Variants in ICOS observed in about 807,000 individuals in gnomAD.
ICOS encodes the protein inducible T-cell costimulator.
A neutral mutation model predicts 24.6 loss-of-function variants in ICOS; 15 were observed. The observed-to-expected ratio is 0.61, with a 90% CI of 0.41 to 0.94. The LOEUF (loss-of-function observed/expected upper bound fraction) is 0.94. ICOS is among the 40% of genes least tolerant of loss of function. ICOS has a pLI of 0.00. For synonymous variants in ICOS, 89 were observed against 77.5 expected (o/e 1.15, Z -0.78); for missense variants, 200 against 233.0 (o/e 0.86, Z 0.92).
In ICOS at chr2:203,957,768, G is replaced by T; in HGVS notation, c.502-31G>T. On this transcript the variant is annotated intron_variant, in intron 3 of 4. Coordinates refer to ENST00000316386, the MANE Select transcript of ICOS (RefSeq NM_012092.4). ...AACAAAGAGATGGAGAAGAAAAGAT[G>T]ACCAAGCATGTTTCTGGCTTTTTCT... 5 of 1,491,802 alleles carry T rather than the reference G, an allele frequency of 3.4e-6. No homozygotes were observed. In the South Asian group the frequency reaches 5.6e-5, roughly 17 times the overall value. The allele number at this position is 1,491,802 out of a possible 1,614,324, so 92.4% of individuals were successfully genotyped here. A position where few individuals can be genotyped will look rare whatever the true frequency, so the allele number is the denominator to read the frequency against.
At chr2:203,947,390 C>T (rs1001537375) in intron 1 of ICOS, among the ~76,000 whole-genome samples, 4 of 152,024 alleles carry the variant, frequency 2.6e-5, no homozygotes, top group African/African-American at 4.8e-5. Context: ...CTCACTGCAA[C>T]CTCTGACTCC....
intron 1 of ICOS, among the ~76,000 whole-genome samples, chr2:203,949,275 ACACT>A (rs1689927041): frequency 6.6e-6 from 1 of 152,182 alleles, no homozygotes; most frequent in Non-Finnish European, 1.5e-5. Flanking sequence ...TGGTCCTGTA[ACACT>A]CAGTTGTTAG....
intron 1 of ICOS, among the ~76,000 whole-genome samples, chr2:203,954,280 T>G (rs1417296463): frequency 6.6e-6 from 1 of 152,174 alleles, no homozygotes; most frequent in Non-Finnish European, 1.5e-5. Flanking sequence ...AAGCATAAAT[T>G]TATTTCAGAA....
intron 1 of ICOS, among the ~76,000 whole-genome samples, chr2:203,951,119 C>G (rs767097179): frequency 6.6e-6 from 1 of 151,820 alleles, no homozygotes; most frequent in Non-Finnish European, 1.5e-5. Flanking sequence ...CAGCTGATGT[C>G]AGTGGCACAC....
rs73058105 is a variant in ICOS at position 203,959,632 on chromosome 2, T to C, written c.*33T>C. 11,097 of 1,609,200 alleles carry C rather than the reference T, an allele frequency of 6.9e-3. 544 individuals carry two copies. In the African/African-American group the frequency reaches 0.12, roughly 18 times the overall value. The stretch of plus-strand genomic sequence containing the variant: ...CTCTGGCACCCAGGCATGAAGCACG[T>C]TGGCCAGTTTTCCTCAACTTGAAGT... On this transcript the variant is annotated 3_prime_UTR_variant, in exon 5 of 5. Transcript: ENST00000316386.
At chr2:203,957,997 T>C in intron 4 of ICOS, 114 bp downstream of exon 4, 1 of 656,032 alleles carries the variant, frequency 1.5e-6, no homozygotes. Flanking sequence ...CAAGGCCTAA[T>C]TCTAGAATTT....
intron 1 of ICOS, among the ~76,000 whole-genome samples, chr2:203,951,404 A>G (rs1234039444): frequency 6.6e-6 from 1 of 152,204 alleles, no homozygotes; most frequent in African/African-American, 2.4e-5. Flanking sequence ...GTTAGAAATA[A>G]CATTAAGATG....
Position 203,960,676 on chromosome 2 carries a change from T to G in ICOS, c.*1077T>G, listed in dbSNP as rs1012767240. ...CCTGAAAGCTGCAGTTACTATAGGTTGCTGTCAGACTATACCCATGGTGCC... is the reference window on the plus strand; with the variant it reads ...CCTGAAAGCTGCAGTTACTATAGGTGGCTGTCAGACTATACCCATGGTGCC... On this transcript the variant is annotated 3_prime_UTR_variant, in exon 5 of 5. Coordinates refer to ENST00000316386, the MANE Select transcript of ICOS (RefSeq NM_012092.4). 3 of 152,206 alleles carry G rather than the reference T, an allele frequency of 2.0e-5. No individual in the cohort carries two copies. The highest frequency in any genetic ancestry group is 7.2e-5 in the African/African-American group (3 of 41,454). 9.4% of individuals were successfully genotyped at this position (152,206 alleles called of 1,614,324 possible).
At chr2:203,956,815 T>C in intron 3 of ICOS, 50 bp downstream of exon 3, 3 of 1,212,094 alleles carry the variant, frequency 2.5e-6, no homozygotes, top group Non-Finnish European at 3.7e-6. Flanking sequence ...TGCACATCAG[T>C]GATTATTTCC....
rs1690105938 is a variant in ICOS at position 203,957,945 on chromosome 2, T to G, written c.586+62T>G. The G allele has an allele frequency of 3.0e-6, 3 of 1,014,100 alleles. No individual in the cohort carries two copies. The Admixed American group carries it at 6.0e-5, about 20-fold the overall frequency. The allele number at this position is 1,014,100 out of a possible 1,614,324, so 62.8% of individuals were successfully genotyped here. On this transcript the variant is annotated intron_variant, in intron 4 of 4. Transcript: ENST00000316386. ...TTTCTTCACAGTAAGCCTGGAATGT[T>G]AATTTTTTTTTTTTTAATTTTAAAG...
rs1294331692 is a variant in ICOS at position 203,956,046 on chromosome 2, A to G, written c.394+75A>G. 7 of 955,786 alleles carry G rather than the reference A, an allele frequency of 7.3e-6. No individual in the cohort carries two copies. In the South Asian group the frequency reaches 8.8e-5, roughly 12 times the overall value. The allele number at this position is 955,786 out of a possible 1,614,324, so 59.2% of individuals were successfully genotyped here. A position where few individuals can be genotyped will look rare whatever the true frequency, so the allele number is the denominator to read the frequency against. On this transcript the variant is annotated intron_variant, in intron 2 of 4. Coordinates refer to ENST00000316386, the MANE Select transcript of ICOS (RefSeq NM_012092.4). The stretch of plus-strand genomic sequence containing the variant: ...ACAACTTTTCTCACTAATAAAATCA[A>G]TTAGACAAATAAATATCTTTTGTGT...
chr2:203,944,133 A>G (rs1003847924), intron 1 of ICOS, among the ~76,000 whole-genome samples: 4 of 152,142 alleles, frequency 2.6e-5, no homozygotes, highest in African/African-American at 9.7e-5. Flanking sequence ...TGCTGGATTC[A>G]CGGCCTCCCC....
chr2:203,955,745 G>C lies in ICOS; in HGVS notation c.168G>C (p.Leu56=), dbSNP rs1452058252. 1 of 1,613,786 alleles carries C rather than the reference G, an allele frequency of 6.2e-7. No homozygotes were observed. Among genetic ancestry groups the C allele is most frequent in the South Asian group, 1.1e-5 (1 of 91,070 alleles). Residue 56 remains leucine (L), a synonymous_variant, in exon 2 of 5, where the codon CTG becomes CTC. Transcript: ENST00000316386. ...DIVQQFKMQL[L]KGGQILCDLT... is the part of the protein sequence containing the mutation. ...TCCAGCAATTTAAAATGCAGTTGCT[G>C]AAAGGGGGGCAAATACTCTGCGATC...
chr2:203,938,646 C>A (rs1044569023), intron 1 of ICOS, among the ~76,000 whole-genome samples: 1 of 152,162 alleles, frequency 6.6e-6, no homozygotes, highest in Non-Finnish European at 1.5e-5. Context: ...CCAATTTGGG[C>A]AGTTCTGGTT....
chr2:203,943,643 A>C (rs928620437), intron 1 of ICOS, among the ~76,000 whole-genome samples: 1 of 152,050 alleles, frequency 6.6e-6, no homozygotes, highest in African/African-American at 2.4e-5. Flanking sequence ...TCCTGCCAGG[A>C]GGTGGCGCTT....
At position 203,959,748 on chromosome 2, in the gene ICOS, G is replaced by A. The variant is rs1690144661; in HGVS notation, c.*149G>A. ...TTTTGTTCAATCTGGAAGAATGACT[G>A]TATCAGTCAATGGGGATTTTAACAG... On this transcript the variant is annotated 3_prime_UTR_variant, in exon 5 of 5. Coordinates refer to ENST00000316386, the MANE Select transcript of ICOS (RefSeq NM_012092.4). 3 of 780,200 alleles carry A rather than the reference G, an allele frequency of 3.8e-6. No homozygotes were observed. The highest frequency in any genetic ancestry group is 2.9e-5 in the South Asian group (2 of 69,718). The allele number at this position is 780,200 out of a possible 1,614,324, so 48.3% of individuals were successfully genotyped here. A position where few individuals can be genotyped will look rare whatever the true frequency, so the allele number is the denominator to read the frequency against.
Position 203,956,763 on chromosome 2 carries a change from A to T in ICOS, c.499A>T (p.Lys167Ter). 6.3e-7 allele frequency: 1 copy of T among 1,595,222 alleles called. No homozygotes were observed. The highest frequency in any genetic ancestry group is 8.6e-7 in the Non-Finnish European group (1 of 1,162,914). Residue 167 changes from lysine (K) to a stop codon, truncating the protein, a stop_gained and splice_region_variant, in exon 3 of 5, where the codon AAG (lysine) becomes TAG (stop). Coordinates refer to ENST00000316386, the MANE Select transcript of ICOS (RefSeq NM_012092.4). LOFTEE classifies it high-confidence loss of function. ...CATACTTATTTGTTGGCTTACAAAA[A>T]AGGTAAGCGATTTCTATCTTTCCTT... ...GCILICWLTK[K>*]KYSSSVHDPN...
chr2:203,938,014 A>G (rs1208459370), intron 1 of ICOS, among the ~76,000 whole-genome samples: 1 of 152,244 alleles, frequency 6.6e-6, no homozygotes, highest in African/African-American at 2.4e-5. Flanking sequence ...AGCATTGAGC[A>G]CCTGCCTGGT....
rs1689751648 is a variant in ICOS, at chr2:203,940,681, C to G, written c.58+3809C>G. ...TTCCTTTGTAAAAAAAAAAAAAACT[C>G]TAGAATTTCATAATCTTGAAAGCTA... is the stretch of plus-strand genomic sequence containing the variant. On this transcript the variant is annotated intron_variant, in intron 1 of 4. Coordinates refer to ENST00000316386, the MANE Select transcript of ICOS (RefSeq NM_012092.4). Among the ~76,000 whole-genome samples the G allele has an allele frequency of 1.3e-5, 2 of 149,816 alleles. 1 individual carries two copies. Among genetic ancestry groups the G allele is most frequent in the South Asian group, 4.2e-4 (2 of 4,760 alleles).
Sources: allele counts gnomAD v4.1 joint callset (sites outside exome capture counted in the v4.1 genomes callset), GRCh38; gene constraint gnomAD v4.1.1; transcripts MANE v1.5; gene names NCBI Gene and HGNC (gene_info 2026-07-23, HGNC 2026-07-21).